The following ESRRG variants were observed in gnomAD, a reference collection of about 807,000 sequenced individuals.
ESRRG encodes the protein estrogen related receptor gamma.
ESRRG carries 13 observed loss-of-function variants against 44.0 expected under a neutral mutation model. The ratio of observed to expected loss-of-function variants is 0.30; its 90% CI spans 0.19 to 0.47. The LOEUF is 0.47. Ranked by LOEUF, ESRRG falls within the 20% of genes least tolerant of loss-of-function variation. The probability of loss-of-function intolerance (pLI) is 1.00; values close to 1 mark genes in which losing one functional copy is unlikely to be tolerated. For synonymous variants in ESRRG, 215 were observed against 214.6 expected (o/e 1.00, Z -0.02); for missense variants, 395 against 580.6 (o/e 0.68, Z 3.29).
chr1:216,757,982 A>G (rs1332957380), intron 2 of ESRRG, among the ~76,000 whole-genome samples: 2 of 152,066 alleles, frequency 1.3e-5, no homozygotes, highest in Non-Finnish European at 2.9e-5. Flanking sequence ...GAACAAATAA[A>G]CAGCATTAAA....
At chr1:216,996,240 AGAG>A (rs2076360017) in intron 1 of ESRRG, among the ~76,000 whole-genome samples, 1 of 152,154 alleles carries the variant, frequency 6.6e-6, no homozygotes. Flanking sequence ...AAGAGGAAAA[AGAG>A]GAGGAAGAGT....
intron 2 of ESRRG, among the ~76,000 whole-genome samples, chr1:216,897,907 C>T (rs1170233256): frequency 6.6e-6 from 1 of 152,106 alleles, no homozygotes; most frequent in Admixed American, 6.5e-5. Context: ...AGAGGTGGGT[C>T]TATGTACTGT....
At chr1:216,792,620 T>C (rs2094354434) in intron 2 of ESRRG, among the ~76,000 whole-genome samples, 1 of 152,228 alleles carries the variant, frequency 6.6e-6, no homozygotes, top group South Asian at 2.1e-4. Flanking sequence ...ATAAATGCTA[T>C]TTAATAGACT....
intron 2 of ESRRG, among the ~76,000 whole-genome samples, chr1:216,933,322 C>T (rs2063640125): frequency 6.6e-6 from 1 of 152,152 alleles, no homozygotes; most frequent in Non-Finnish European, 1.5e-5. Context: ...AGCCACTTTT[C>T]TAATGTAGCC....
intron 2 of ESRRG, among the ~76,000 whole-genome samples, chr1:216,936,107 A>T (rs2064108055): frequency 6.6e-6 from 1 of 151,982 alleles, no homozygotes; most frequent in African/African-American, 2.4e-5. Context: ...AGAATGAAAG[A>T]CACTCCTGTC....
At chr1:216,902,925 G>T (rs750585909) in intron 2 of ESRRG, among the ~76,000 whole-genome samples, 53 of 152,086 alleles carry the variant, frequency 3.5e-4, no homozygotes, top group Non-Finnish European at 6.5e-4. Flanking sequence ...CATCCTGTTT[G>T]CACGTTCCTA....
chr1:216,800,024 A>C (rs568440034), intron 2 of ESRRG, among the ~76,000 whole-genome samples: 48 of 152,332 alleles, frequency 3.2e-4, no homozygotes, highest in African/African-American at 1.1e-3. Context: ...TCAGCACTCA[A>C]ATAAAATTAT....
chr1:217,093,628 G>C (rs1443737025), upstream of ESRRG, among the ~76,000 whole-genome samples: 2 of 151,814 alleles, frequency 1.3e-5, no homozygotes. Context: ...GCAAGAAATA[G>C]AAAAAATCAG....
At chr1:216,829,786 T>G (rs2148721746) in intron 2 of ESRRG, among the ~76,000 whole-genome samples, 3 of 152,150 alleles carry the variant, frequency 2.0e-5, no homozygotes, top group Admixed American at 2.0e-4. Context: ...ACTCCTGACC[T>G]CGAATGATCC....
intron 1 of ESRRG, among the ~76,000 whole-genome samples, chr1:217,001,386 T>C (rs1407737728): frequency 1.3e-5 from 2 of 152,218 alleles, no homozygotes; most frequent in Non-Finnish European, 2.9e-5. Context: ...CCAAACTGCC[T>C]TGGGCAGTAA....
At chr1:217,076,529 A>T (rs961798702) in intron 1 of ESRRG, among the ~76,000 whole-genome samples, 1 of 152,214 alleles carries the variant, frequency 6.6e-6, no homozygotes, top group African/African-American at 2.4e-5. Context: ...GTCCTCGTAG[A>T]ACTCAGAAAA....
intron 1 of ESRRG, among the ~76,000 whole-genome samples, chr1:217,070,763 CT>C (rs1183692388): frequency 2.6e-5 from 4 of 152,212 alleles, no homozygotes; most frequent in African/African-American, 9.6e-5. Flanking sequence ...CTCTCCATGC[CT>C]CTTTCTGTGT....
At chr1:216,661,888 T>C (rs1019125692) in intron 2 of ESRRG, among the ~76,000 whole-genome samples, 13 of 152,224 alleles carry the variant, frequency 8.5e-5, no homozygotes, top group Admixed American at 5.9e-4. Context: ...TAGGAGGCAG[T>C]ATAACATATA....
chr1:216,959,270 CTT>C (rs2068563149), intron 1 of ESRRG, among the ~76,000 whole-genome samples: 1 of 152,014 alleles, frequency 6.6e-6, no homozygotes. Flanking sequence ...TATTTGAACT[CTT>C]TACCAACTTA....
intron 2 of ESRRG, among the ~76,000 whole-genome samples, chr1:216,887,790 C>A (rs2057235353): frequency 6.6e-6 from 1 of 152,158 alleles, no homozygotes; most frequent in East Asian, 1.9e-4. Context: ...GCATTCATAT[C>A]TCTCCATAGA....
intron 3 of ESRRG, among the ~76,000 whole-genome samples, chr1:216,613,995 C>T (rs2061038669): frequency 6.6e-6 from 1 of 152,232 alleles, no homozygotes; most frequent in Non-Finnish European, 1.5e-5. Flanking sequence ...CGTAGGGCCA[C>T]ATTGTCCAAG....
At chr1:216,715,726 T>C (rs1260782828) in intron 1 of ESRRG, among the ~76,000 whole-genome samples, 1 of 152,134 alleles carries the variant, frequency 6.6e-6, no homozygotes, top group East Asian at 1.9e-4. Context: ...GCAACATAAG[T>C]TCTTATAAAT....
chr1:216,880,304 C>CA (rs11301281), intron 2 of ESRRG, among the ~76,000 whole-genome samples: 3,485 of 29,066 alleles, frequency 0.12, 726 homozygotes, highest in Middle Eastern at 0.15. Flanking sequence ...GCCTCCCTCT[C>CA]AAAAAAAAAA....
intron 1 of ESRRG, among the ~76,000 whole-genome samples, chr1:217,036,248 T>A (rs543823442): frequency 6.6e-6 from 1 of 152,192 alleles, no homozygotes. Flanking sequence ...TGGAAGACAG[T>A]GTGGTGATTT....
Sources: allele counts gnomAD v4.1 joint callset (sites outside exome capture counted in the v4.1 genomes callset), GRCh38; gene constraint gnomAD v4.1.1; transcripts MANE v1.5; gene names NCBI Gene and HGNC (gene_info 2026-07-23, HGNC 2026-07-21).